The following RASEF variants were observed in gnomAD, a reference collection of about 807,000 sequenced individuals.
RASEF encodes the protein ras and EF-hand domain-containing protein.
A neutral mutation model predicts 90.1 loss-of-function variants in RASEF; 68 were observed. The ratio of observed to expected loss-of-function variants is 0.75; its 90% CI spans 0.62 to 0.92. The LOEUF (loss-of-function observed/expected upper bound fraction) is 0.92. Ranked by LOEUF, RASEF falls within the 40% of genes least tolerant of loss-of-function variation. The pLI is 0.00. For synonymous variants in RASEF, 331 were observed against 345.2 expected, an observed-to-expected ratio of 0.96 and a Z score of 0.46; for missense variants, 949 against 937.2, an observed-to-expected ratio of 1.01 and a Z score of -0.16.
the RASEF span, among the ~76,000 whole-genome samples, chr9:83,078,069 C>A: frequency 1.3e-5 from 2 of 152,196 alleles, no homozygotes; most frequent in African/African-American, 4.8e-5. Context: ...GCAGCATCAT[C>A]ACCACCTGGG....
At chr9:83,115,001 G>C in the RASEF span, among the ~76,000 whole-genome samples, 2 of 151,982 alleles carry the variant, frequency 1.3e-5, no homozygotes, top group Non-Finnish European at 2.9e-5. Flanking sequence ...CTGGTTTTAC[G>C]GCTTGGGGGA....
the RASEF span, among the ~76,000 whole-genome samples, chr9:83,094,293 T>C: frequency 2.0e-5 from 3 of 150,376 alleles, no homozygotes; most frequent in East Asian, 1.9e-4. Context: ...ACCCACAACA[T>C]TGTGAACACT....
the RASEF span, among the ~76,000 whole-genome samples, chr9:83,181,868 T>A: frequency 6.6e-6 from 1 of 152,232 alleles, no homozygotes; most frequent in African/African-American, 2.4e-5. Flanking sequence ...TTTATAAACC[T>A]ACTTTCTTAC....
the RASEF span, among the ~76,000 whole-genome samples, chr9:83,170,043 G>A: frequency 2.6e-5 from 4 of 151,964 alleles, no homozygotes; most frequent in Non-Finnish European, 4.4e-5. Context: ...TTTTCTTCAA[G>A]TAGTTTCCTA....
At chr9:83,111,846 A>T in the RASEF span, among the ~76,000 whole-genome samples, 9 of 152,088 alleles carry the variant, frequency 5.9e-5, no homozygotes, top group Admixed American at 5.9e-4. Context: ...ATTAATAAAT[A>T]ACAAATTTTG....
chr9:83,132,458 T>G, the RASEF span, among the ~76,000 whole-genome samples: 1 of 152,168 alleles, frequency 6.6e-6, no homozygotes, highest in South Asian at 2.1e-4. Context: ...AGCACCCAGG[T>G]GAATCCTTCC....
the RASEF span, among the ~76,000 whole-genome samples, chr9:83,165,773 A>C: frequency 2.0e-5 from 3 of 152,252 alleles, no homozygotes; most frequent in South Asian, 6.2e-4. Flanking sequence ...ACTAAGAAAA[A>C]AGTGAGATGA....
At chr9:83,120,317 T>C in the RASEF span, among the ~76,000 whole-genome samples, 11 of 152,288 alleles carry the variant, frequency 7.2e-5, no homozygotes, top group East Asian at 2.1e-3. Flanking sequence ...TGTGGTGGGA[T>C]TGTAACTCCT....
the RASEF span, among the ~76,000 whole-genome samples, chr9:83,196,927 G>A: frequency 6.6e-6 from 1 of 152,228 alleles, no homozygotes; most frequent in South Asian, 2.1e-4. Context: ...ACCACAAAAT[G>A]TCTCTAGTGC....
At chr9:83,042,353 A>G (rs1240575628) in intron 1 of RASEF, among the ~76,000 whole-genome samples, 2 of 152,218 alleles carry the variant, frequency 1.3e-5, no homozygotes, top group Non-Finnish European at 2.9e-5. Flanking sequence ...CATTCCCCTA[A>G]GACTCAAAAG....
the RASEF span, among the ~76,000 whole-genome samples, chr9:83,108,814 G>C: frequency 6.6e-6 from 1 of 152,108 alleles, no homozygotes; most frequent in Admixed American, 6.6e-5. Flanking sequence ...CATGGTGACA[G>C]CCAATAACAG....
chr9:83,013,099 A>G (rs1829277461), intron 4 of RASEF, among the ~76,000 whole-genome samples: 1 of 152,204 alleles, frequency 6.6e-6, no homozygotes. Flanking sequence ...TGATTAACTC[A>G]TTTCTACATG....
At chr9:83,065,502 T>A (rs1265629515), upstream of RASEF, among the ~76,000 whole-genome samples, 2 of 152,204 alleles carry the variant, frequency 1.3e-5, no homozygotes, top group Admixed American at 1.3e-4. Context: ...AGCTTTAGCT[T>A]ATGTCATATT....
At chr9:83,070,126 A>G in the RASEF span, among the ~76,000 whole-genome samples, 1 of 150,276 alleles carries the variant, frequency 6.7e-6, no homozygotes, top group Non-Finnish European at 1.5e-5. Flanking sequence ...AAGAGTAGAT[A>G]GTTTTGGTTT....
At chr9:83,209,411 T>C in the RASEF span, among the ~76,000 whole-genome samples, 623 of 152,384 alleles carry the variant, frequency 4.1e-3, 4 homozygotes, top group African/African-American at 0.014. Flanking sequence ...TGGATTCATC[T>C]GCAAATTTTT....
At chr9:83,136,742 A>C in the RASEF span, among the ~76,000 whole-genome samples, 1 of 152,242 alleles carries the variant, frequency 6.6e-6, no homozygotes, top group Non-Finnish European at 1.5e-5. Context: ...CATTTGTATT[A>C]CATATCTATT....
At chr9:83,178,056 T>TA in the RASEF span, among the ~76,000 whole-genome samples, 1 of 152,214 alleles carries the variant, frequency 6.6e-6, no homozygotes, top group South Asian at 2.1e-4. Flanking sequence ...CTAAAGACTT[T>TA]AAATGGTTGT....
intron 2 of RASEF, among the ~76,000 whole-genome samples, chr9:83,022,899 C>T (rs1391577384): frequency 6.6e-6 from 1 of 152,132 alleles, no homozygotes; most frequent in Non-Finnish European, 1.5e-5. Flanking sequence ...GGATTATATT[C>T]TTATGGGACC....
chr9:83,150,179 A>AG, the RASEF span, among the ~76,000 whole-genome samples: 1 of 152,218 alleles, frequency 6.6e-6, no homozygotes, highest in Non-Finnish European at 1.5e-5. Flanking sequence ...AGAGATGCAC[A>AG]GGACAAGGTG....
Sources: allele counts gnomAD v4.1 joint callset (sites outside exome capture counted in the v4.1 genomes callset), GRCh38; gene constraint gnomAD v4.1.1; transcripts MANE v1.5; gene names NCBI Gene and HGNC (gene_info 2026-07-23, HGNC 2026-07-21).